Variants in DCAF13 observed in about 807,000 individuals in gnomAD.
DCAF13 encodes the protein DDB1 and CUL4 associated factor 13, also known as DDB1- and CUL4-associated factor 13.
In DCAF13, 38 loss-of-function variants were observed where a neutral mutation model predicts 59.0. That is an observed-to-expected ratio of 0.64 (90% CI 0.50 to 0.84). DCAF13 has a LOEUF of 0.84. Among genes scored for constraint, DCAF13 ranks in the 40% least tolerant of loss-of-function variants. The pLI is 0.00. For missense variants in DCAF13, 469 were observed against 558.4 expected, an observed-to-expected ratio of 0.84 and a Z score of 1.61; for synonymous variants, 173 against 175.0, an observed-to-expected ratio of 0.99 and a Z score of 0.09.
chr8:103,440,514 A>G (rs1816995780), intron 9 of DCAF13: 1 of 276,554 alleles, frequency 3.6e-6, no homozygotes, highest in Non-Finnish European at 6.7e-6. Flanking sequence ...TTGTTAATTC[A>G]GATGTTTGAT....
chr8:103,432,757 T>G lies in DCAF13; in HGVS notation c.785+16T>G, dbSNP rs199710346. The G allele has an allele frequency of 7.0e-4, 1,052 of 1,505,972 alleles. No individual in the cohort carries two copies. The highest frequency in any genetic ancestry group is 8.3e-4 in the Non-Finnish European group (900 of 1,085,832). The allele number at this position is 1,505,972 out of a possible 1,614,324, so 93.3% of individuals were successfully genotyped here. On this transcript the variant is annotated intron_variant, in intron 7 of 10. Transcript: ENST00000612750. ...AAGATTATAAGTAAGTTTCCCTCTT[T>G]TAAAAACTTGTGTATTTCTATCATG...
At chr8:103,421,301 A>G (rs1563502270) in intron 3 of DCAF13, 4 of 645,152 alleles carry the variant, frequency 6.2e-6, no homozygotes, top group East Asian at 3.1e-5. Context: ...ATTTACCACA[A>G]AAGTGGAATT....
intron 1 of DCAF13, 37 bp downstream of exon 1, chr8:103,415,553 G>C: frequency 1.3e-6 from 2 of 1,565,392 alleles, no homozygotes; most frequent in Non-Finnish European, 1.7e-6. Context: ...GACGGTTTCC[G>C]CAAGTCGTTG....
In DCAF13 at chr8:103,435,783, C is replaced by G; in HGVS notation, c.943C>G (p.Arg315Gly). ...TCGAATCTTTCCTGTAGACAAAAGT[C>G]GAAGCAGGTATGTGCCTACCAGTAA... ...SIRIFPVDKS[R>G]SREVYHTKRM... The change falls in exon 8 of 11, where the codon CGA (arginine) becomes GGA (glycine). Residue 315 changes from arginine (R) to glycine (G), a missense_variant. Arg to Gly is a moderately radical substitution (Grantham distance 125). Around this residue, in one of 3 missense-constraint regions of DCAF13, gnomAD observed 355 missense variants for 399.1 expected, o/e 0.89. Coordinates refer to ENST00000612750, the MANE Select transcript of DCAF13 (RefSeq NM_015420.7). 1 of 1,613,328 alleles carries G rather than the reference C, an allele frequency of 6.2e-7. No homozygotes were observed. The highest frequency in any genetic ancestry group is 8.5e-7 in the Non-Finnish European group (1 of 1,179,642).
At chr8:103,426,954 C>G in intron 4 of DCAF13, 143 bp from the exon 5 acceptor site, 2 of 572,888 alleles carry the variant, frequency 3.5e-6, no homozygotes, top group Non-Finnish European at 5.8e-6. Flanking sequence ...TTGTTTCCCC[C>G]TTTAAGTAAG....
At chr8:103,436,281 A>AT (rs1016526442) in intron 8 of DCAF13, among the ~76,000 whole-genome samples, 27 of 152,230 alleles carry the variant, frequency 1.8e-4, no homozygotes, top group African/African-American at 5.8e-4. Context: ...TACATTTGTT[A>AT]TTTTTTACTT....
At chr8:103,440,415 A>T in intron 9 of DCAF13, 144 bp downstream of exon 9, 1 of 634,634 alleles carries the variant, frequency 1.6e-6, no homozygotes, top group Non-Finnish European at 2.5e-6. Context: ...TAAATGGACA[A>T]GGTTGTATTG....
chr8:103,442,725 T>G, intron 10 of DCAF13, 70 bp from the exon 11 acceptor site: 1 of 1,079,398 alleles, frequency 9.3e-7, no homozygotes, highest in Non-Finnish European at 1.3e-6. Flanking sequence ...AATGCTTTGA[T>G]TTTTCTGAGA....
rs184297141 is a variant in DCAF13 at position 103,423,516 on chromosome 8, T to C, written c.378+2434T>C. 7.9e-5 allele frequency among the ~76,000 whole-genome samples: 12 copies of C among 152,190 alleles called. No homozygotes were observed. In the East Asian group the frequency reaches 2.1e-3, roughly 27 times the overall value. The stretch of plus-strand genomic sequence containing the variant: ...CCAAACTCTTAGAAATGGAGTAAAA[T>C]GGTCATTACTAGGGGCTTTGAGGGA... On this transcript the variant is annotated intron_variant, in intron 3 of 10. Coordinates refer to ENST00000612750, the MANE Select transcript of DCAF13 (RefSeq NM_015420.7).
At chr8:103,416,380 G>A (rs182125746) in intron 1 of DCAF13, among the ~76,000 whole-genome samples, 77 of 152,300 alleles carry the variant, frequency 5.1e-4, no homozygotes, top group African/African-American at 1.6e-3. Context: ...TTTGTCACTT[G>A]GATTTGGCAT....
intron 8 of DCAF13, among the ~76,000 whole-genome samples, chr8:103,436,118 T>C (rs1382240632): frequency 6.6e-6 from 1 of 152,186 alleles, no homozygotes; most frequent in Non-Finnish European, 1.5e-5. Flanking sequence ...ACCACTGTCG[T>C]ATATGCAGTC....
chr8:103,427,287 TG>T, intron 5 of DCAF13, 35 bp downstream of exon 5: 1 of 1,552,656 alleles, frequency 6.4e-7, no homozygotes, highest in Non-Finnish European at 8.8e-7. Flanking sequence ...TTACTTATTA[TG>T]GCTTAATAAT....
intron 1 of DCAF13, among the ~76,000 whole-genome samples, chr8:103,419,931 C>G (rs953116465): frequency 3.3e-5 from 5 of 151,718 alleles, no homozygotes; most frequent in African/African-American, 9.7e-5. Flanking sequence ...ATTGCTTGAA[C>G]CTGAGAAGCG....
At chr8:103,442,567 A>T in intron 10 of DCAF13, 1 of 320,374 alleles carries the variant, frequency 3.1e-6, no homozygotes. Flanking sequence ...TAACTGTGGA[A>T]GGTTTTTAAA....
At chr8:103,416,058 C>A (rs1387384077) in intron 1 of DCAF13, among the ~76,000 whole-genome samples, 1 of 152,184 alleles carries the variant, frequency 6.6e-6, no homozygotes, top group Non-Finnish European at 1.5e-5. Flanking sequence ...ACATGCTAAC[C>A]ACTTATAAAT....
intron 2 of DCAF13, 111 bp downstream of exon 2, chr8:103,420,574 C>G (rs1309672130): frequency 7.8e-6 from 9 of 1,155,810 alleles, no homozygotes; most frequent in Middle Eastern, 2.3e-4. Context: ...CAATTTACTT[C>G]TCAAGACTAA....
At chr8:103,433,750 C>G (rs1256234759) in intron 7 of DCAF13, among the ~76,000 whole-genome samples, 2 of 151,756 alleles carry the variant, frequency 1.3e-5, no homozygotes, top group Non-Finnish European at 2.9e-5. Flanking sequence ...AGAACAAGAC[C>G]CTGGTGTCTT....
At position 103,415,608 on chromosome 8, in the gene DCAF13, A is replaced by G. The variant is rs914435391; in HGVS notation, c.70+92A>G. On this transcript the variant is annotated intron_variant, in intron 1 of 10. Transcript: ENST00000612750. ...CGGAGTAAAGCCGGGGGAGGCTGGC[A>G]CTCTGGTCTGGTTCTTTCTCAGTTA... 16 of 1,273,546 alleles carry G rather than the reference A, an allele frequency of 1.3e-5. No homozygotes were observed. The African/African-American group carries it at 2.2e-4, about 18-fold the overall frequency. 78.9% of individuals were successfully genotyped at this position (1,273,546 alleles called of 1,614,324 possible). A position where few individuals can be genotyped will look rare whatever the true frequency, so the allele number is the denominator to read the frequency against.
chr8:103,420,793 A>G (rs777582771), intron 2 of DCAF13, 182 bp from the exon 3 acceptor site: 184 of 594,322 alleles, frequency 3.1e-4, no homozygotes, highest in Non-Finnish European at 3.7e-4. Context: ...TCAACAGAGT[A>G]TTTGTCAGGT....
Sources: gnomAD v4.1 joint callset for allele counts (sites outside exome capture counted in the v4.1 genomes callset) on GRCh38, gnomAD v4.1.1 for gene constraint, gnomAD v4.1.1 regional missense constraint, MANE v1.5 for transcripts, NCBI Gene and HGNC (gene_info 2026-07-23, HGNC 2026-07-21) for gene names.